LDLRAD3: variants seen among roughly 807,000 people sequenced by gnomAD.
LDLRAD3 encodes low density lipoprotein receptor class A domain containing 3.
LDLRAD3 carries 20 observed loss-of-function variants against 29.4 expected under a neutral mutation model. The ratio of observed to expected loss-of-function variants is 0.68; its 90% CI spans 0.48 to 0.99. The LOEUF (loss-of-function observed/expected upper bound fraction) is 0.99, where lower values mean the gene tolerates loss of function less well. Ranked by LOEUF, LDLRAD3 falls within the 50% of genes least tolerant of loss-of-function variation. LDLRAD3 has a pLI of 0.00. For synonymous variants in LDLRAD3, 157 were observed against 192.7 expected, an observed-to-expected ratio of 0.81 and a Z score of 1.53; for missense variants, 420 against 454.3, an observed-to-expected ratio of 0.92 and a Z score of 0.69.
rs368570025 is a variant in LDLRAD3, at chr11:36,012,171, A to G, written c.47-23932A>G. On this transcript the variant is annotated intron_variant, in intron 1 of 5. Coordinates refer to ENST00000315571, the MANE Select transcript of LDLRAD3 (RefSeq NM_174902.4). The stretch of plus-strand genomic sequence containing the variant: ...CCCCAGTGGATGCCTGAAACCGAAT[A>G]TAGTACCAAATTGCTGTCAACTGAA... Among the ~76,000 whole-genome samples, 3 of 152,280 alleles carry G rather than the reference A, an allele frequency of 2.0e-5. No individual in the cohort carries two copies. In the East Asian group the frequency reaches 5.8e-4, roughly 29 times the overall value.
intron 1 of LDLRAD3, among the ~76,000 whole-genome samples, chr11:36,031,263 A>G (rs1233534414): frequency 1.3e-5 from 2 of 152,200 alleles, no homozygotes; most frequent in Non-Finnish European, 2.9e-5. Flanking sequence ...ATGTGTCCCA[A>G]GGCACTAAGA....
chr11:36,106,378 T>C (rs1011016116), intron 4 of LDLRAD3, among the ~76,000 whole-genome samples: 1 of 152,200 alleles, frequency 6.6e-6, no homozygotes, highest in African/African-American at 2.4e-5. Context: ...AGTTGCACTT[T>C]CCCCTTGGAG....
In LDLRAD3 at chr11:36,229,293, C is replaced by T. The variant is rs200482950; in HGVS notation, c.934C>T (p.Leu312=). The change falls in exon 6 of 6, where the codon CTG becomes TTG. Residue 312 remains leucine (L), a synonymous_variant. Coordinates refer to ENST00000315571, the MANE Select transcript of LDLRAD3 (RefSeq NM_174902.4). ...CAGCTCCCAGGCAGCCAGCAGCCTC[C>T]TGAGCGTGGAAGACACCAGCCACAG... ...SASSQAASSL[L]SVEDTSHSPG... is the part of the protein sequence containing the mutation. 1.2e-4 allele frequency: 187 copies of T among 1,614,086 alleles called. No individual in the cohort carries two copies. The highest frequency in any genetic ancestry group is 1.5e-4 in the Non-Finnish European group (180 of 1,180,028).
At chr11:36,008,103 G>T (rs575955667) in intron 1 of LDLRAD3, among the ~76,000 whole-genome samples, 2 of 152,234 alleles carry the variant, frequency 1.3e-5, no homozygotes, top group South Asian at 4.1e-4. Flanking sequence ...GCTTGTAAAG[G>T]CTCCGGCACA....
chr11:36,052,096 G>A (rs1852537523), intron 2 of LDLRAD3, among the ~76,000 whole-genome samples: 1 of 152,198 alleles, frequency 6.6e-6, no homozygotes, highest in Non-Finnish European at 1.5e-5. Context: ...ACTGAGTAAG[G>A]AAGTTGGTTG....
rs114902576 is a variant in LDLRAD3 at position 36,075,026 on chromosome 11, T to G, written c.194-6627T>G. Among the ~76,000 whole-genome samples the G allele has an allele frequency of 6.9e-3, 1,049 of 152,288 alleles. 14 individuals are homozygous for G. Among genetic ancestry groups the G allele is most frequent in the African/African-American group, 0.024 (989 of 41,560 alleles). Reference sequence around the variant, plus strand: ...AGGTTTCCCATTACCCAACTGTTAATGGTGGCTCACTGTGCCTAAACTGGC... The same window carrying G: ...AGGTTTCCCATTACCCAACTGTTAAGGGTGGCTCACTGTGCCTAAACTGGC... On this transcript the variant is annotated intron_variant, in intron 2 of 5. Transcript: ENST00000315571.
chr11:36,092,056 G>A (rs1040687925), intron 3 of LDLRAD3, among the ~76,000 whole-genome samples: 37 of 152,194 alleles, frequency 2.4e-4, no homozygotes, highest in East Asian at 1.9e-4. Context: ...GGTTAAGTAC[G>A]TCTGCTTAAT....
chr11:36,122,744 T>A (rs57341280), intron 4 of LDLRAD3, among the ~76,000 whole-genome samples: 3,948 of 152,104 alleles, frequency 0.026, 175 homozygotes, highest in African/African-American at 0.088. Flanking sequence ...TACTGCCTGG[T>A]GTGATGGTTC....
At chr11:36,208,787 GAACAA>G (rs57982540) in intron 4 of LDLRAD3, among the ~76,000 whole-genome samples, 6,587 of 152,164 alleles carry the variant, frequency 0.043, 459 homozygotes, top group African/African-American at 0.14. Flanking sequence ...AACACCATGA[GAACAA>G]CACAGTAATA....
At chr11:36,152,480 T>G (rs114762932) in intron 4 of LDLRAD3, among the ~76,000 whole-genome samples, 4,305 of 152,256 alleles carry the variant, frequency 0.028, 206 homozygotes, top group African/African-American at 0.098. Context: ...GTGCCAGTGC[T>G]TTCCCCTTTC....
At chr11:36,043,171 A>G (rs1590222744) in intron 2 of LDLRAD3, among the ~76,000 whole-genome samples, 1 of 152,064 alleles carries the variant, frequency 6.6e-6, no homozygotes. Context: ...AATTAGCTAG[A>G]TGTGTTGGCG....
chr11:36,059,544 CCTT>C (rs1852668018), intron 2 of LDLRAD3, among the ~76,000 whole-genome samples: 1 of 151,962 alleles, frequency 6.6e-6, no homozygotes, highest in African/African-American at 2.4e-5. Flanking sequence ...ACTCCACAAC[CCTT>C]CTTTCTGTTT....
intron 4 of LDLRAD3, among the ~76,000 whole-genome samples, chr11:36,129,352 C>A (rs1400164936): frequency 6.6e-6 from 1 of 152,174 alleles, no homozygotes; most frequent in Admixed American, 6.5e-5. Context: ...GAACATTGAG[C>A]AGAGGTATGT....
At chr11:36,154,690 G>A (rs139246533) in intron 4 of LDLRAD3, among the ~76,000 whole-genome samples, 2 of 152,284 alleles carry the variant, frequency 1.3e-5, no homozygotes, top group African/African-American at 4.8e-5. Flanking sequence ...TCTGGAGTCA[G>A]GTAACTTAAT....
chr11:36,192,653 C>T (rs1262859857), intron 4 of LDLRAD3, among the ~76,000 whole-genome samples: 1 of 152,180 alleles, frequency 6.6e-6, no homozygotes, highest in Non-Finnish European at 1.5e-5. Context: ...CTTTTTCTCT[C>T]ACACTCCTAG....
intron 2 of LDLRAD3, 42 bp from the exon 3 acceptor site, chr11:36,081,611 G>T (rs759415201): frequency 8.1e-6 from 13 of 1,613,634 alleles, no homozygotes; most frequent in Non-Finnish European, 1.0e-5. Context: ...AGTCATCTGA[G>T]AACATCTCCT....
chr11:36,065,069 T>A (rs1852769664), intron 2 of LDLRAD3, among the ~76,000 whole-genome samples: 1 of 152,212 alleles, frequency 6.6e-6, no homozygotes, highest in South Asian at 2.1e-4. Flanking sequence ...GTTTTCTTGT[T>A]GATCTTCAGC....
intron 1 of LDLRAD3, among the ~76,000 whole-genome samples, chr11:35,985,624 C>T (rs1167361046): frequency 6.6e-6 from 1 of 152,126 alleles, no homozygotes; most frequent in Non-Finnish European, 1.5e-5. Flanking sequence ...TGGGAGGGAT[C>T]TGGTGGGAGG....
chr11:36,068,822 C>G (rs1852842988), intron 2 of LDLRAD3, among the ~76,000 whole-genome samples: 1 of 152,134 alleles, frequency 6.6e-6, no homozygotes, highest in Non-Finnish European at 1.5e-5. Context: ...AGCCCAGAAA[C>G]CTAGATGCTT....
Sources: gnomAD v4.1 joint callset for allele counts (sites outside exome capture counted in the v4.1 genomes callset) on GRCh38, gnomAD v4.1.1 for gene constraint, MANE v1.5 for transcripts, NCBI Gene and HGNC (gene_info 2026-07-23, HGNC 2026-07-21) for gene names.